Variants in CSMD1 observed in about 807,000 individuals in gnomAD.
CSMD1 encodes the protein CUB and sushi domain-containing protein 1.
In CSMD1, 213 loss-of-function variants were observed where a neutral mutation model predicts 417.5. The ratio of observed to expected loss-of-function variants is 0.51; its 90% CI spans 0.46 to 0.57. The LOEUF (loss-of-function observed/expected upper bound fraction) is 0.57, where lower values mean the gene tolerates loss of function less well. Ranked by LOEUF, CSMD1 falls within the 20% of genes least tolerant of loss-of-function variation. The pLI is 0.00. For missense variants in CSMD1, 6,923 were observed against 4,529.7 expected (o/e 1.53, Z -15.17); for synonymous variants, 2,862 against 1,736.8 (o/e 1.65, Z -16.11).
At chr8:4,210,262 G>C (rs1385309248) in intron 3 of CSMD1, among the ~76,000 whole-genome samples, 3 of 152,198 alleles carry the variant, frequency 2.0e-5, no homozygotes, top group Admixed American at 1.3e-4. Context: ...ACTGCTCTTT[G>C]TTTGTTTCTT....
chr8:3,896,206 C>A (rs1191539867), intron 5 of CSMD1, among the ~76,000 whole-genome samples: 1 of 152,160 alleles, frequency 6.6e-6, no homozygotes, highest in Non-Finnish European at 1.5e-5. Flanking sequence ...TGACAAACAT[C>A]TTCCAATTCT....
intron 23 of CSMD1, among the ~76,000 whole-genome samples, chr8:3,339,353 T>G (rs1807492565): frequency 6.6e-6 from 1 of 152,122 alleles, no homozygotes; most frequent in Admixed American, 6.5e-5. Flanking sequence ...ATGGGTTCTC[T>G]TCTCTATCAA....
chr8:3,213,324 T>C (rs556593480), intron 30 of CSMD1, among the ~76,000 whole-genome samples: 170 of 152,298 alleles, frequency 1.1e-3, no homozygotes, highest in Non-Finnish European at 2.1e-3. Flanking sequence ...TTTTTAAATA[T>C]ATACCATGAA....
At chr8:4,724,756 G>T (rs1034472406) in intron 1 of CSMD1, among the ~76,000 whole-genome samples, 1 of 151,992 alleles carries the variant, frequency 6.6e-6, no homozygotes, top group African/African-American at 2.4e-5. Flanking sequence ...CATTTATCAC[G>T]TTTTTTAAAA....
chr8:3,162,706 C>A (rs1186559849), intron 37 of CSMD1, among the ~76,000 whole-genome samples: 1 of 149,908 alleles, frequency 6.7e-6, no homozygotes, highest in Non-Finnish European at 1.5e-5. Context: ...TCTTGGAATT[C>A]TGTTCTTCTA....
intron 3 of CSMD1, among the ~76,000 whole-genome samples, chr8:4,293,475 A>G (rs979709436): frequency 6.6e-6 from 1 of 152,226 alleles, no homozygotes; most frequent in South Asian, 2.1e-4. Context: ...TATTATTTAT[A>G]TATCTAGCTC....
At chr8:3,035,771 A>G (rs1444338034) in intron 50 of CSMD1, among the ~76,000 whole-genome samples, 1 of 152,198 alleles carries the variant, frequency 6.6e-6, no homozygotes, top group East Asian at 1.9e-4. Context: ...AAATGTTTTC[A>G]AAAACATAAG....
At chr8:4,842,401 T>C (rs755682419) in intron 1 of CSMD1, among the ~76,000 whole-genome samples, 1 of 152,254 alleles carries the variant, frequency 6.6e-6, no homozygotes, top group Non-Finnish European at 1.5e-5. Context: ...TTGCAATCTT[T>C]AAAACTTCAA....
intron 50 of CSMD1, among the ~76,000 whole-genome samples, chr8:3,049,297 G>C (rs1811659377): frequency 6.6e-6 from 1 of 152,128 alleles, no homozygotes; most frequent in East Asian, 1.9e-4. Flanking sequence ...GTTTATAGCA[G>C]CTTTATTCAC....
chr8:3,970,464 C>T (rs552573466), intron 5 of CSMD1, among the ~76,000 whole-genome samples: 11 of 152,166 alleles, frequency 7.2e-5, no homozygotes, highest in African/African-American at 1.2e-4. Context: ...CTTGTCTCTT[C>T]TGTAAACCAG....
chr8:4,988,346 C>A (rs904054412), intron 1 of CSMD1, among the ~76,000 whole-genome samples: 1 of 152,172 alleles, frequency 6.6e-6, no homozygotes, highest in Non-Finnish European at 1.5e-5. Context: ...ATATTCCTTT[C>A]CCTTTTATAA....
chr8:4,906,297 G>A (rs1214203263), intron 1 of CSMD1, among the ~76,000 whole-genome samples: 2 of 152,130 alleles, frequency 1.3e-5, no homozygotes, highest in Non-Finnish European at 2.9e-5. Context: ...ACATTATTCA[G>A]TTAACACTCT....
intron 1 of CSMD1, among the ~76,000 whole-genome samples, chr8:4,729,323 T>G (rs193179088): frequency 6.4e-4 from 97 of 152,332 alleles, no homozygotes; most frequent in African/African-American, 2.3e-3. Context: ...AAAGGTGTTT[T>G]GTTGGTGTGG....
intron 41 of CSMD1, among the ~76,000 whole-genome samples, chr8:3,133,191 C>A (rs993655794): frequency 1.3e-5 from 2 of 151,976 alleles, no homozygotes; most frequent in African/African-American, 4.9e-5. Context: ...CCCTTCTTGG[C>A]TGCTGCTGTC....
intron 7 of CSMD1, among the ~76,000 whole-genome samples, chr8:3,704,538 A>T (rs184594690): frequency 2.0e-5 from 3 of 152,190 alleles, no homozygotes; most frequent in Admixed American, 2.0e-4. Flanking sequence ...AGCTAGAGAG[A>T]TAAGAGGAGT....
At chr8:4,950,928 T>C (rs1808702377) in intron 1 of CSMD1, among the ~76,000 whole-genome samples, 1 of 151,780 alleles carries the variant, frequency 6.6e-6, no homozygotes, top group African/African-American at 2.4e-5. Context: ...TCTTGACAAA[T>C]AACTGACCAA....
chr8:4,198,401 G>A (rs1486433449), intron 3 of CSMD1, among the ~76,000 whole-genome samples: 1 of 152,304 alleles, frequency 6.6e-6, no homozygotes, highest in South Asian at 2.1e-4. Context: ...AGACTTTTCA[G>A]AATTTTCAGA....
intron 5 of CSMD1, among the ~76,000 whole-genome samples, chr8:3,959,336 T>C (rs1812169099): frequency 6.6e-6 from 1 of 152,020 alleles, no homozygotes; most frequent in African/African-American, 2.4e-5. Flanking sequence ...CTGTCTCTAC[T>C]AAAAATACAA....
chr8:4,136,891 A>G (rs562675695), intron 3 of CSMD1, among the ~76,000 whole-genome samples: 1 of 152,240 alleles, frequency 6.6e-6, no homozygotes, highest in Non-Finnish European at 1.5e-5. Context: ...CAGAAACTTA[A>G]CAAAGAAAAC....
Sources: allele counts gnomAD v4.1 joint callset (sites outside exome capture counted in the v4.1 genomes callset), GRCh38; gene constraint gnomAD v4.1.1; transcripts MANE v1.5; gene names NCBI Gene and HGNC (gene_info 2026-07-23, HGNC 2026-07-21).